The following ROBO2 variants were observed in gnomAD, a reference collection of about 807,000 sequenced individuals.
The protein encoded by ROBO2 is roundabout homolog 2.
Under a neutral mutation model 160.8 loss-of-function variants are expected in ROBO2, and 53 were observed. The ratio of observed to expected loss-of-function variants is 0.33; its 90% CI spans 0.26 to 0.41. ROBO2 has a LOEUF of 0.41. ROBO2 is among the 10% of genes least tolerant of loss of function. The pLI is 1.00. For missense variants in ROBO2, 1,577 were observed against 1,722.4 expected (o/e 0.92, Z 1.49); for synonymous variants, 664 against 611.7 (o/e 1.09, Z -1.26).
intron 2 of ROBO2, among the ~76,000 whole-genome samples, chr3:76,050,529 A>G (rs886584825): frequency 1.1e-4 from 16 of 152,090 alleles, no homozygotes; most frequent in African/African-American, 3.6e-4. Flanking sequence ...CATCTATCCT[A>G]TTAGTCCTGT....
chr3:76,421,310 T>C (rs746557278), intron 2 of ROBO2, among the ~76,000 whole-genome samples: 6 of 152,220 alleles, frequency 3.9e-5, no homozygotes, highest in African/African-American at 1.2e-4. Context: ...TCAACTGCAA[T>C]TGCTGAAAAC....
At chr3:77,297,379 A>G (rs1051164606) in intron 2 of ROBO2, among the ~76,000 whole-genome samples, 15 of 152,154 alleles carry the variant, frequency 9.9e-5, no homozygotes, top group Admixed American at 8.5e-4. Context: ...ATTTGGGCAT[A>G]TTGATCTTAG....
At position 77,505,380 on chromosome 3, in the gene ROBO2, A is replaced by G. The variant is rs151190484; in HGVS notation, c.806+11998A>G. Among the ~76,000 whole-genome samples, 195 of 152,260 alleles carry G rather than the reference A, an allele frequency of 1.3e-3. 1 individual carries two copies. The highest frequency in any genetic ancestry group is 8.7e-3 in the South Asian group (42 of 4,824). Reference sequence around the variant, plus strand: ...ATAATTGTATGTCAGAGTTATTGGAAAAAGAGAAATTAAAAATTAATGCTG... The same window carrying G: ...ATAATTGTATGTCAGAGTTATTGGAGAAAGAGAAATTAAAAATTAATGCTG... On this transcript the variant is annotated intron_variant, in intron 5 of 25. Transcript: ENST00000461745.
At chr3:76,282,697 T>G (rs905693488) in intron 2 of ROBO2, among the ~76,000 whole-genome samples, 9 of 151,976 alleles carry the variant, frequency 5.9e-5, no homozygotes, top group African/African-American at 2.2e-4. Flanking sequence ...ATTGTGGGTC[T>G]GCCTCAATGA....
chr3:76,041,678 A>C (rs62267242), intron 2 of ROBO2, among the ~76,000 whole-genome samples: 21,033 of 151,986 alleles, frequency 0.14, 1,655 homozygotes, highest in African/African-American at 0.15. Context: ...AGGTATTAAT[A>C]TCATAAGTAT....
At chr3:76,572,817 C>G (rs767758841) in intron 2 of ROBO2, among the ~76,000 whole-genome samples, 3 of 152,170 alleles carry the variant, frequency 2.0e-5, no homozygotes, top group Admixed American at 1.3e-4. Flanking sequence ...TCCATCCACA[C>G]TTACCTATTT....
chr3:77,323,657 G>T (rs560292912), intron 2 of ROBO2, among the ~76,000 whole-genome samples: 1 of 152,034 alleles, frequency 6.6e-6, no homozygotes, highest in African/African-American at 2.4e-5. Context: ...TAGATAAATG[G>T]GCAATGTTAT....
intron 2 of ROBO2, among the ~76,000 whole-genome samples, chr3:77,023,275 C>G (rs761664387): frequency 2.0e-5 from 3 of 152,156 alleles, no homozygotes; most frequent in Non-Finnish European, 4.4e-5. Flanking sequence ...TTTCTCCTCC[C>G]ACCATGATTG....
intron 2 of ROBO2, among the ~76,000 whole-genome samples, chr3:76,518,902 A>C (rs186520498): frequency 3.2e-4 from 48 of 152,226 alleles, no homozygotes; most frequent in African/African-American, 1.1e-3. Context: ...TCTCTCAAAA[A>C]CCTAAAATTT....
rs138986265 is a variant in ROBO2, at chr3:76,935,936, T to C, written c.110-162078T>C. 1.6e-3 allele frequency among the ~76,000 whole-genome samples: 251 copies of C among 152,244 alleles called. 3 individuals are homozygous for C. Among genetic ancestry groups the C allele is most frequent in the African/African-American group, 5.9e-3 (244 of 41,552 alleles). ...GGTCCTTCTTCCAAATACCATCACA[T>C]TGGCGATTAGGTTTCAACATAAGAA... is the stretch of plus-strand genomic sequence containing the variant. On this transcript the variant is annotated intron_variant, in intron 2 of 26. Coordinates refer to the ROBO2 transcript ENST00000487694.
chr3:76,747,204 A>T (rs1329085320), intron 2 of ROBO2, among the ~76,000 whole-genome samples: 1 of 152,140 alleles, frequency 6.6e-6, no homozygotes, highest in Non-Finnish European at 1.5e-5. Context: ...ACCCAGAAAT[A>T]TGTGTAAAAG....
At position 75,983,717 on chromosome 3, in the gene ROBO2, TATC is replaced by T. The variant is rs575017361; in HGVS notation, c.109+46117_109+46119del. 4.9e-4 allele frequency among the ~76,000 whole-genome samples: 74 copies of T among 151,480 alleles called. No homozygotes were observed. The South Asian group carries it at 0.015, about 31-fold the overall frequency. On this transcript the variant is annotated intron_variant, in intron 2 of 26. Transcript: ENST00000487694. ...CTAGATTTCCTAACTGAATTTTTGA[TATC>T]AACTCCAGTCATCACAGGGTAGATA...
chr3:77,453,082 A>G (rs1365846834), intron 2 of ROBO2, among the ~76,000 whole-genome samples: 6 of 152,150 alleles, frequency 3.9e-5, no homozygotes, highest in Non-Finnish European at 5.9e-5. Flanking sequence ...TCTACTCAAC[A>G]TTGCCATTTA....
At chr3:75,938,367 A>G (rs1947892253) in intron 2 of ROBO2, among the ~76,000 whole-genome samples, 1 of 151,904 alleles carries the variant, frequency 6.6e-6, no homozygotes, top group Admixed American at 6.6e-5. Flanking sequence ...GAGGATTATT[A>G]TTTTTGGAGG....
intron 2 of ROBO2, among the ~76,000 whole-genome samples, chr3:77,368,337 T>C (rs1346630522): frequency 6.6e-6 from 1 of 152,166 alleles, no homozygotes; most frequent in Non-Finnish European, 1.5e-5. Flanking sequence ...AATATACATT[T>C]ATATGTGCAA....
At chr3:76,676,799 T>C (rs894537260) in intron 2 of ROBO2, among the ~76,000 whole-genome samples, 16 of 152,182 alleles carry the variant, frequency 1.1e-4, no homozygotes, top group South Asian at 1.0e-3. Context: ...TTTTTTTTCC[T>C]CTCTCCCTCA....
At chr3:76,851,764 A>AAAATATATATAT (rs1553659595) in intron 2 of ROBO2, among the ~76,000 whole-genome samples, 11 of 137,042 alleles carry the variant, frequency 8.0e-5, no homozygotes, top group African/African-American at 3.2e-4. Context: ...AAAAAAAAAA[A>AAAATATATATAT]ATATTAACAT....
At chr3:76,862,183 C>T (rs1440561481) in intron 2 of ROBO2, among the ~76,000 whole-genome samples, 1 of 152,102 alleles carries the variant, frequency 6.6e-6, no homozygotes, top group Middle Eastern at 3.2e-3. Flanking sequence ...AAAGCTTCTA[C>T]ACAATATACA....
At chr3:77,143,220 C>T (rs921353805) in intron 2 of ROBO2, among the ~76,000 whole-genome samples, 3 of 110,274 alleles carry the variant, frequency 2.7e-5, no homozygotes, top group African/African-American at 1.0e-4. Flanking sequence ...GAGTCTGGCT[C>T]TGTTGCCCAG....
Sources: allele counts gnomAD v4.1 joint callset (sites outside exome capture counted in the v4.1 genomes callset), GRCh38; gene constraint gnomAD v4.1.1; transcripts MANE v1.5; gene names NCBI Gene and HGNC (gene_info 2026-07-23, HGNC 2026-07-21).